The following RECK variants were observed in gnomAD, a reference collection of about 807,000 sequenced individuals.
RECK encodes reversion inducing cysteine rich protein with kazal motifs.
A neutral mutation model predicts 115.1 loss-of-function variants in RECK; 69 were observed. The observed-to-expected ratio is 0.60, with a 90% CI of 0.49 to 0.73. The LOEUF (loss-of-function observed/expected upper bound fraction) is 0.73. RECK is among the 30% of genes least tolerant of loss of function. The pLI, the probability that RECK is intolerant of heterozygous loss-of-function variation, is 0.00. For synonymous variants in RECK, 414 were observed against 419.7 expected (o/e 0.99, Z 0.17); for missense variants, 1,047 against 1,203.7 (o/e 0.87, Z 1.93).
chr9:36,051,724 A>G lies in RECK; in HGVS notation c.101-541A>G, dbSNP rs567012145. Among the ~76,000 whole-genome samples, 110 of 152,146 alleles carry G rather than the reference A, an allele frequency of 7.2e-4. 3 individuals carry two copies. The South Asian group carries it at 0.022, about 30-fold the overall frequency. ...CTAGAAACTCTCCCTAGACAATATC[A>G]TTCATTTCCATATACTCCTTTATGC... On this transcript the variant is annotated intron_variant, in intron 1 of 20. Transcript: ENST00000377966.
chr9:36,089,474 C>G (rs1024890597), intron 9 of RECK, among the ~76,000 whole-genome samples: 6 of 152,090 alleles, frequency 3.9e-5, no homozygotes, highest in African/African-American at 1.4e-4. Context: ...AATAACCTGT[C>G]CAAGGCAAAT....
intron 2 of RECK, among the ~76,000 whole-genome samples, chr9:36,054,518 A>G (rs945301199): frequency 6.7e-6 from 1 of 150,044 alleles, no homozygotes; most frequent in Non-Finnish European, 1.5e-5. Flanking sequence ...AAAAAAAAAA[A>G]GCCAATTAGT....
intron 1 of RECK, among the ~76,000 whole-genome samples, chr9:36,050,298 A>G (rs1415236018): frequency 6.6e-6 from 1 of 152,082 alleles, no homozygotes; most frequent in Admixed American, 6.5e-5. Context: ...ATTTCAGTTA[A>G]TGGTATTTCT....
chr9:36,038,369 A>G (rs1290131467), intron 1 of RECK, among the ~76,000 whole-genome samples: 1 of 152,226 alleles, frequency 6.6e-6, no homozygotes, highest in Non-Finnish European at 1.5e-5. Context: ...AACTATCCCA[A>G]AGAATAAAAG....
chr9:36,116,512 CCTCCAGCCTCAGG>C (rs1287108356), intron 16 of RECK, among the ~76,000 whole-genome samples: 1 of 152,222 alleles, frequency 6.6e-6, no homozygotes, highest in Non-Finnish European at 1.5e-5. Context: ...AATGCAAGGG[CCTCCAGCCTCAGG>C]CTCCAGCCTA....
chr9:36,064,283 C>G (rs149751053), intron 5 of RECK, among the ~76,000 whole-genome samples: 51 of 152,292 alleles, frequency 3.3e-4, no homozygotes, highest in African/African-American at 1.1e-3. Flanking sequence ...TGGCTTTACC[C>G]TGAGTGTGTT....
At chr9:36,113,440 A>G (rs1824140377) in intron 16 of RECK, among the ~76,000 whole-genome samples, 1 of 152,230 alleles carries the variant, frequency 6.6e-6, no homozygotes, top group Non-Finnish European at 1.5e-5. Context: ...AGAAGACAGG[A>G]CGCAATGCAT....
intron 7 of RECK, among the ~76,000 whole-genome samples, chr9:36,080,991 C>T (rs1410793336): frequency 6.6e-6 from 1 of 152,202 alleles, no homozygotes; most frequent in Middle Eastern, 3.4e-3. Context: ...GACCTGTACA[C>T]AAAGAATGCT....
rs1408945129 is a variant in RECK, at chr9:36,087,867, G to A, written c.811G>A (p.Val271Ile). 6.2e-7 allele frequency: 1 copy of A among 1,613,940 alleles called. No individual in the cohort carries two copies. The highest frequency in any genetic ancestry group is 1.1e-5 in the South Asian group (1 of 91,076). The part of the protein sequence containing the change: ...WQCFLESSQS[V>I]HPGVTVHPPP... ...ATGTTTTCTTGAAAGCTCACAATCT[G>A]TTCACCCTGGAGTCACTGTACACCC... Residue 271 changes from valine (V) to isoleucine (I), a missense_variant, in exon 9 of 21, where the codon GTT becomes ATT. By Grantham distance (29) the Val-to-Ile change is conservative. Transcript: ENST00000377966.
chr9:36,070,465 A>G (rs1256319241), intron 6 of RECK, among the ~76,000 whole-genome samples: 1 of 152,058 alleles, frequency 6.6e-6, no homozygotes, highest in East Asian at 1.9e-4. Context: ...TTGAAAGAGA[A>G]TAGAATCTTT....
intron 10 of RECK, among the ~76,000 whole-genome samples, chr9:36,097,043 G>A (rs1377230027): frequency 6.6e-6 from 1 of 152,016 alleles, no homozygotes; most frequent in East Asian, 1.9e-4. Context: ...TGCAAAAAAG[G>A]CCAGGTGTGG....
chr9:36,044,006 A>C (rs1470437058), intron 1 of RECK, among the ~76,000 whole-genome samples: 1 of 152,152 alleles, frequency 6.6e-6, no homozygotes, highest in Non-Finnish European at 1.5e-5. Flanking sequence ...TCTGTGAAGA[A>C]TGATGATGGT....
intron 6 of RECK, among the ~76,000 whole-genome samples, chr9:36,074,012 C>A (rs1361249387): frequency 6.6e-6 from 1 of 152,058 alleles, no homozygotes; most frequent in Non-Finnish European, 1.5e-5. Context: ...TACTGCAAAT[C>A]CAGATTTTCT....
chr9:36,093,558 G>A (rs1823239386), intron 10 of RECK, among the ~76,000 whole-genome samples: 1 of 152,024 alleles, frequency 6.6e-6, no homozygotes, highest in African/African-American at 2.4e-5. Context: ...CACAGCAGAA[G>A]AAAAAGGTCA....
In RECK at chr9:36,118,766, A is replaced by G; in HGVS notation, c.2263A>G (p.Arg755Gly). The change falls in exon 18 of 21, where the codon AGA becomes GGA. Residue 755 changes from arginine to glycine, a missense_variant. Coordinates refer to ENST00000377966, the MANE Select transcript of RECK (RefSeq NM_021111.3). ...SYKGPCQPFC[R>G]ATEPVCGHNG... ...ATTTGTTTGCCCTCAGCCCTTTTGC[A>G]GAGCAACCGAGCCCGTATGTGGGCA... The G allele has an allele frequency of 6.2e-7, 1 of 1,613,820 alleles. No homozygotes were observed. Among genetic ancestry groups the G allele is most frequent in the Non-Finnish European group, 8.5e-7 (1 of 1,179,896 alleles).
At chr9:36,111,726 CA>C (rs1163822448) in intron 15 of RECK, among the ~76,000 whole-genome samples, 1 of 152,034 alleles carries the variant, frequency 6.6e-6, no homozygotes, top group African/African-American at 2.4e-5. Flanking sequence ...TAGCCTTTAA[CA>C]TTCAAGAAAT....
chr9:36,102,279 T>G lies in RECK; in HGVS notation c.1435+49T>G, dbSNP rs763098929. 6.1e-6 allele frequency: 9 copies of G among 1,469,722 alleles called. No homozygotes were observed. In the South Asian group the frequency reaches 1.1e-4, roughly 18 times the overall value. 91.0% of individuals were successfully genotyped at this position (1,469,722 alleles called of 1,614,324 possible). On this transcript the variant is annotated intron_variant, in intron 12 of 20. Coordinates refer to ENST00000377966, the MANE Select transcript of RECK (RefSeq NM_021111.3). Reference sequence around the variant, plus strand: ...TTTTTAGATTTCAAATACTTCTCTCTTCCAACTATTTGTTTTACTATTTGT... The same window carrying G: ...TTTTTAGATTTCAAATACTTCTCTCGTCCAACTATTTGTTTTACTATTTGT...
At position 36,052,292 on chromosome 9, in the gene RECK, A is replaced by T. The variant is rs768877933; in HGVS notation, c.128A>T (p.Asp43Val). The T allele has an allele frequency of 1.2e-6, 2 of 1,610,382 alleles. No homozygotes were observed. Among genetic ancestry groups the T allele is most frequent in the African/African-American group, 2.7e-5 (2 of 74,806 alleles). ...AGALCCNHSK[D>V]NQMCRDVCEQ... ...GCATTGTGTTGTAATCATTCAAAGG[A>T]TAACCAAATGTGCCGTGATGTATGT... Residue 43 changes from aspartate (D) to valine (V), a missense_variant, in exon 2 of 21, where the codon GAT becomes GTT. Physicochemically the swap from Asp to Val is radical, Grantham distance 152. Coordinates refer to ENST00000377966, the MANE Select transcript of RECK (RefSeq NM_021111.3).
chr9:36,097,327 C>CAAAAAAAAAA (rs56837267), intron 10 of RECK, among the ~76,000 whole-genome samples: 2 of 69,632 alleles, frequency 2.9e-5, no homozygotes, highest in Non-Finnish European at 3.2e-5. Context: ...GACTCCATCT[C>CAAAAAAAAAA]AAAAAAAAAA....
Sources: allele counts gnomAD v4.1 joint callset (sites outside exome capture counted in the v4.1 genomes callset), GRCh38; gene constraint gnomAD v4.1.1; transcripts MANE v1.5; gene names NCBI Gene and HGNC (gene_info 2026-07-23, HGNC 2026-07-21).